The following MCTP1 variants were observed in gnomAD, a reference collection of about 807,000 sequenced individuals.
MCTP1 encodes the protein multiple C2 and transmembrane domain-containing protein 1.
A neutral mutation model predicts 120.6 loss-of-function variants in MCTP1; 69 were observed. That is an observed-to-expected ratio of 0.57 (90% CI 0.47 to 0.70). The LOEUF is 0.70. Ranked by LOEUF, MCTP1 falls within the 30% of genes least tolerant of loss-of-function variation. The pLI is 0.00. For synonymous variants in MCTP1, 529 were observed against 493.1 expected (o/e 1.07, Z -0.96); for missense variants, 1,203 against 1,248.8 (o/e 0.96, Z 0.55).
chr5:95,202,524 G>A (rs1479943170), intron 1 of MCTP1, among the ~76,000 whole-genome samples: 1 of 152,018 alleles, frequency 6.6e-6, no homozygotes, highest in Non-Finnish European at 1.5e-5. Flanking sequence ...TTGTCTCTTT[G>A]GAGAACCCTG....
chr5:95,140,301 C>T (rs1759799702), intron 1 of MCTP1, among the ~76,000 whole-genome samples: 1 of 152,136 alleles, frequency 6.6e-6, no homozygotes, highest in Non-Finnish European at 1.5e-5. Flanking sequence ...CGGGACTTTG[C>T]AGCAGGATAT....
rs1366014363 is a variant in MCTP1, at chr5:94,707,438, A to G, written c.*58T>C. 1 of 1,292,206 alleles carries G rather than the reference A, an allele frequency of 7.7e-7. No homozygotes were observed. Among genetic ancestry groups the G allele is most frequent in the African/African-American group, 1.5e-5 (1 of 66,764 alleles). 80.0% of individuals were successfully genotyped at this position (1,292,206 alleles called of 1,614,324 possible). On this transcript the variant is annotated 3_prime_UTR_variant, in exon 23 of 23. Coordinates refer to ENST00000515393, the MANE Select transcript of MCTP1 (RefSeq NM_024717.7). Reference sequence around the variant, plus strand: ...AAGAAAGGAAATGCTGCTGAGGCTGAGGGCTTTTTCTTTTATCTTCCCAAA... The same window carrying G: ...AAGAAAGGAAATGCTGCTGAGGCTGGGGGCTTTTTCTTTTATCTTCCCAAA...
chr5:94,985,275 A>C (rs979369851), intron 2 of MCTP1, among the ~76,000 whole-genome samples: 33 of 152,256 alleles, frequency 2.2e-4, no homozygotes, highest in Non-Finnish European at 4.3e-4. Flanking sequence ...AATATGTTAC[A>C]TTAAAATCAC....
intron 18 of MCTP1, among the ~76,000 whole-genome samples, chr5:94,797,295 T>C (rs1780308498): frequency 6.6e-6 from 1 of 152,022 alleles, no homozygotes; most frequent in African/African-American, 2.4e-5. Flanking sequence ...AAGCCCCCCC[T>C]CATAGAATTA....
chr5:94,878,244 T>C (rs1366911122), intron 12 of MCTP1, among the ~76,000 whole-genome samples: 1 of 152,166 alleles, frequency 6.6e-6, no homozygotes, highest in Admixed American at 6.6e-5. Context: ...CAGCATATGT[T>C]GAAGACATCT....
chr5:94,759,903 G>A (rs956589878), intron 19 of MCTP1, among the ~76,000 whole-genome samples: 1,442 of 78,742 alleles, frequency 0.018, no homozygotes, highest in East Asian at 0.023. Flanking sequence ...TTTTCAAAGA[G>A]AAAAAAAAAA....
chr5:95,093,683 G>A (rs1409453454), intron 1 of MCTP1, among the ~76,000 whole-genome samples: 1 of 152,164 alleles, frequency 6.6e-6, no homozygotes, highest in Admixed American at 6.5e-5. Flanking sequence ...TCCAAAGAAA[G>A]GGAGTCCTCA....
intron 1 of MCTP1, among the ~76,000 whole-genome samples, chr5:95,120,620 G>A (rs1425521195): frequency 6.6e-6 from 1 of 152,132 alleles, no homozygotes; most frequent in African/African-American, 2.4e-5. Flanking sequence ...AAAAACATTT[G>A]ATAAAATTCA....
intron 8 of MCTP1, among the ~76,000 whole-genome samples, chr5:94,916,877 T>G (rs778930209): frequency 5.3e-5 from 8 of 152,244 alleles, no homozygotes; most frequent in Non-Finnish European, 1.2e-4. Flanking sequence ...AGAGTGAGGA[T>G]TCTTGCTTTG....
intron 17 of MCTP1, among the ~76,000 whole-genome samples, chr5:94,853,594 T>G (rs1201166659): frequency 6.6e-6 from 1 of 151,854 alleles, no homozygotes; most frequent in Non-Finnish European, 1.5e-5. Flanking sequence ...CTCATCCAGG[T>G]TGTTTCATAT....
chr5:94,883,328 C>A (rs1467087415), intron 12 of MCTP1, among the ~76,000 whole-genome samples: 2 of 152,040 alleles, frequency 1.3e-5, no homozygotes, highest in Admixed American at 6.6e-5. Flanking sequence ...GCTTAAAAGT[C>A]TTCTATGAGC....
chr5:95,152,539 A>C (rs751011896), intron 1 of MCTP1, among the ~76,000 whole-genome samples: 1 of 152,190 alleles, frequency 6.6e-6, no homozygotes, highest in Non-Finnish European at 1.5e-5. Flanking sequence ...TAATTCTAGA[A>C]ACTGGATTAA....
intron 17 of MCTP1, among the ~76,000 whole-genome samples, chr5:94,808,387 A>G (rs1782778054): frequency 6.6e-6 from 1 of 152,108 alleles, no homozygotes; most frequent in African/African-American, 2.4e-5. Context: ...TTGTTTGGAC[A>G]ATTTTCTAAA....
intron 19 of MCTP1, among the ~76,000 whole-genome samples, chr5:94,747,659 A>G (rs1349263837): frequency 6.6e-6 from 1 of 152,160 alleles, no homozygotes; most frequent in Non-Finnish European, 1.5e-5. Flanking sequence ...CTTTTCATAT[A>G]TAAAGCTAAG....
chr5:94,785,645 G>A (rs1372600467), intron 18 of MCTP1, among the ~76,000 whole-genome samples: 1 of 151,956 alleles, frequency 6.6e-6, no homozygotes, highest in African/African-American at 2.4e-5. Flanking sequence ...AGAAAATTAT[G>A]TACTTATGCC....
intron 19 of MCTP1, among the ~76,000 whole-genome samples, chr5:94,760,595 C>T (rs367666055): frequency 6.6e-6 from 1 of 152,152 alleles, no homozygotes; most frequent in Non-Finnish European, 1.5e-5. Context: ...GATTTTAACA[C>T]CCACATATGC....
At chr5:94,834,771 G>A (rs1039834348) in intron 17 of MCTP1, among the ~76,000 whole-genome samples, 1 of 150,650 alleles carries the variant, frequency 6.6e-6, no homozygotes, top group African/African-American at 2.4e-5. Context: ...AGGAGACCTG[G>A]TAACTGGATT....
intron 1 of MCTP1, among the ~76,000 whole-genome samples, chr5:95,183,620 A>G (rs923783606): frequency 6.6e-6 from 1 of 152,166 alleles, no homozygotes; most frequent in Non-Finnish European, 1.5e-5. Flanking sequence ...AACTCAAGAA[A>G]AAGACAAACT....
chr5:94,924,913 T>G (rs1581388332), intron 6 of MCTP1, among the ~76,000 whole-genome samples: 1 of 152,336 alleles, frequency 6.6e-6, no homozygotes, highest in South Asian at 2.1e-4. Context: ...GGTGGGAATT[T>G]TAATGATCAA....
Sources: gnomAD v4.1 joint callset for allele counts (sites outside exome capture counted in the v4.1 genomes callset) on GRCh38, gnomAD v4.1.1 for gene constraint, MANE v1.5 for transcripts, NCBI Gene and HGNC (gene_info 2026-07-23, HGNC 2026-07-21) for gene names.